Variants in IARS2 observed in about 807,000 individuals in gnomAD.
The protein encoded by IARS2 is isoleucyl-tRNA synthetase 2, mitochondrial.
A neutral mutation model predicts 126.3 loss-of-function variants in IARS2; 56 were observed. That is an observed-to-expected ratio of 0.44 (90% confidence interval 0.36 to 0.55). The LOEUF (loss-of-function observed/expected upper bound fraction) is 0.55, where lower values mean the gene tolerates loss of function less well. IARS2 is among the 20% of genes least tolerant of loss of function. The probability of loss-of-function intolerance (pLI) is 0.00; values close to 1 mark genes in which losing one functional copy is unlikely to be tolerated. For synonymous variants in IARS2, 407 were observed against 441.1 expected, an observed-to-expected ratio of 0.92 and a Z score of 0.97; for missense variants, 1,127 against 1,245.9, an observed-to-expected ratio of 0.90 and a Z score of 1.44.
intron 9 of IARS2, 54 bp from the exon 10 acceptor site, chr1:220,107,007 T>C: frequency 8.9e-7 from 1 of 1,126,858 alleles, no homozygotes; most frequent in South Asian, 1.2e-5. Context: ...TGCCAGATAT[T>C]GTCATAAGAG....
chr1:220,134,302 CCCTTCCT>C, intron 14 of IARS2, 93 bp from the exon 15 acceptor site: 1 of 785,792 alleles, frequency 1.3e-6, no homozygotes, highest in Non-Finnish European at 1.9e-6. Flanking sequence ...AAAGTTACTT[CCCTTCCT>C]CCCCACTAAT....
intron 12 of IARS2, among the ~76,000 whole-genome samples, chr1:220,124,968 G>T (rs1412997116): frequency 6.6e-6 from 1 of 152,190 alleles, no homozygotes; most frequent in Non-Finnish European, 1.5e-5. Context: ...GAAGAGGGAA[G>T]ATAATTAGAA....
intron 10 of IARS2, among the ~76,000 whole-genome samples, chr1:220,107,624 A>C (rs1269314420): frequency 6.6e-6 from 1 of 152,180 alleles, no homozygotes; most frequent in Non-Finnish European, 1.5e-5. Flanking sequence ...ACTAAGACTA[A>C]GGCTATTTAG....
intron 8 of IARS2, among the ~76,000 whole-genome samples, chr1:220,104,848 A>G (rs1656647902): frequency 1.3e-5 from 2 of 152,068 alleles, no homozygotes; most frequent in Non-Finnish European, 2.9e-5. Flanking sequence ...ATTATCTTTG[A>G]TCCTTAGGTA....
intron 3 of IARS2, 150 bp from the exon 4 acceptor site, chr1:220,101,979 C>G: frequency 3.0e-6 from 2 of 677,288 alleles, no homozygotes; most frequent in Non-Finnish European, 5.0e-6. Context: ...CCACTGCACT[C>G]TAGCCTGGGT....
intron 7 of IARS2, 48 bp from the exon 8 acceptor site, chr1:220,103,399 G>A (rs749837099): frequency 9.2e-7 from 1 of 1,086,744 alleles, no homozygotes; most frequent in Non-Finnish European, 1.4e-6. Flanking sequence ...GATATCTGTG[G>A]CTTTTCTTGT....
rs1412314050 is a variant in IARS2 at position 220,102,197 on chromosome 1, G to C, written c.619G>C (p.Asp207His). 3 of 1,612,194 alleles carry C rather than the reference G, an allele frequency of 1.9e-6. No homozygotes were observed. In the Admixed American group the frequency reaches 5.0e-5, roughly 27 times the overall value. The change falls in exon 4 of 23, where the codon GAT becomes CAT. Residue 207 changes from aspartate to histidine, a missense_variant. Coordinates refer to ENST00000366922, the MANE Select transcript of IARS2 (RefSeq NM_018060.4). ...SAFIRWGIMA[D>H]WNNCYYTFDG... Reference sequence around the variant, plus strand: ...ATTTATTCGTTGGGGAATAATGGCAGATTGGAATAATTGCTACTATACATT... The same window carrying C: ...ATTTATTCGTTGGGGAATAATGGCACATTGGAATAATTGCTACTATACATT...
chr1:220,147,064 G>T (rs998978562), intron 22 of IARS2, among the ~76,000 whole-genome samples: 5 of 152,186 alleles, frequency 3.3e-5, no homozygotes, highest in African/African-American at 1.2e-4. Context: ...TAATTGTGGA[G>T]ATATTTTTGG....
At chr1:220,104,564 TG>T (rs1350457504) in intron 8 of IARS2, among the ~76,000 whole-genome samples, 2 of 151,976 alleles carry the variant, frequency 1.3e-5, no homozygotes, top group African/African-American at 4.8e-5. Flanking sequence ...TTAATTTTTT[TG>T]GTAGAGATGA....
rs539064484 is a variant in IARS2 at position 220,104,188 on chromosome 1, A to G, written c.1066+626A>G. Among the ~76,000 whole-genome samples, 15 of 152,302 alleles carry G rather than the reference A, an allele frequency of 9.8e-5. No individual in the cohort carries two copies. The East Asian group carries it at 2.7e-3, about 27-fold the overall frequency. On this transcript the variant is annotated intron_variant, in intron 8 of 22. Coordinates refer to ENST00000366922, the MANE Select transcript of IARS2 (RefSeq NM_018060.4). ...GATGAATTCTTGTTGTGTAGCCCAG[A>G]CTGGTCTGGAATTCCTGGGCTCAAG...
chr1:220,133,564 A>G (rs1342491509), intron 14 of IARS2, among the ~76,000 whole-genome samples: 1 of 152,234 alleles, frequency 6.6e-6, no homozygotes, highest in Non-Finnish European at 1.5e-5. Context: ...ATAATTTTAC[A>G]AATAAAAGGG....
At chr1:220,145,423 G>A (rs934362857) in intron 21 of IARS2, 86 bp from the exon 22 acceptor site, 101 of 1,282,268 alleles carry the variant, frequency 7.9e-5, no homozygotes, top group Non-Finnish European at 9.9e-5. Context: ...CTCTCTAAAC[G>A]TGAGATTTTA....
intron 10 of IARS2, among the ~76,000 whole-genome samples, chr1:220,108,687 TTTTTTA>T: frequency 6.6e-6 from 1 of 151,498 alleles, no homozygotes; most frequent in Non-Finnish European, 1.5e-5. Context: ...ACCCGGCCTA[TTTTTTA>T]TTTTTAATAG....
chr1:220,107,745 A>C (rs148620677), intron 10 of IARS2, among the ~76,000 whole-genome samples: 1 of 152,200 alleles, frequency 6.6e-6, no homozygotes, highest in Non-Finnish European at 1.5e-5. Context: ...GTCTAAATTC[A>C]TCGTACTGGC....
At chr1:220,135,948 C>T (rs953620129) in intron 15 of IARS2, among the ~76,000 whole-genome samples, 3 of 151,862 alleles carry the variant, frequency 2.0e-5, no homozygotes, top group African/African-American at 7.3e-5. Flanking sequence ...CCCCAGGGCC[C>T]CTGGCAACCA....
rs1657167958 is a variant in IARS2, at chr1:220,126,955, T to A, written c.1837+112T>A. On this transcript the variant is annotated intron_variant, in intron 14 of 22. Coordinates refer to ENST00000366922, the MANE Select transcript of IARS2 (RefSeq NM_018060.4). Reference sequence around the variant, plus strand: ...TTTCTGTGTGTGCTTTATTTAGAGATCTGCTATATTTTAGACCTCGAAAGA... The same window carrying A: ...TTTCTGTGTGTGCTTTATTTAGAGAACTGCTATATTTTAGACCTCGAAAGA... The A allele has an allele frequency of 1.4e-5, 10 of 727,256 alleles. No individual in the cohort carries two copies. In the East Asian group the frequency reaches 2.7e-4, roughly 19 times the overall value. 45.1% of individuals were successfully genotyped at this position (727,256 alleles called of 1,614,324 possible). A position where few individuals can be genotyped will look rare whatever the true frequency, so the allele number is the denominator to read the frequency against.
In IARS2 at chr1:220,147,592, A is replaced by G. The variant is rs779015777; in HGVS notation, c.2996A>G (p.Asp999Gly). The stretch of plus-strand genomic sequence containing the variant: ...TGGAAGTATACAGCGGAGTCTTCAG[A>G]TACACTGTGTCCTCGATGTGCAGAA... ...RCWKYTAESS[D>G]TLCPRCAEVV... Residue 999 changes from aspartate (D) to glycine (G), a missense_variant, in exon 23 of 23, where the codon GAT (aspartate) becomes GGT (glycine). Physicochemically the swap from Asp to Gly is moderately conservative, Grantham distance 94. Coordinates refer to ENST00000366922, the MANE Select transcript of IARS2 (RefSeq NM_018060.4). The G allele has an allele frequency of 3.1e-6, 5 of 1,614,140 alleles. No homozygotes were observed. The East Asian group carries it at 1.1e-4, about 36-fold the overall frequency.
chr1:220,145,404 A>G (rs113105717), intron 21 of IARS2, 105 bp from the exon 22 acceptor site: 9 of 990,712 alleles, frequency 9.1e-6, no homozygotes, highest in African/African-American at 6.6e-5. Flanking sequence ...ATGGTATACC[A>G]GAAGGTTCCT....
At chr1:220,104,948 A>C (rs544362061) in intron 8 of IARS2, among the ~76,000 whole-genome samples, 3 of 152,214 alleles carry the variant, frequency 2.0e-5, no homozygotes, top group African/African-American at 7.2e-5. Context: ...TAAATAGGAA[A>C]GCCCTCTAAA....
Sources: gnomAD v4.1 joint callset for allele counts (sites outside exome capture counted in the v4.1 genomes callset) on GRCh38, gnomAD v4.1.1 for gene constraint, MANE v1.5 for transcripts, NCBI Gene and HGNC (gene_info 2026-07-23, HGNC 2026-07-21) for gene names.